ASTN1: variants seen among roughly 807,000 people sequenced by gnomAD.
ASTN1 encodes astrotactin 1.
A neutral mutation model predicts 140.7 loss-of-function variants in ASTN1; 41 were observed. The ratio of observed to expected loss-of-function variants is 0.29; its 90% confidence interval spans 0.23 to 0.38. The LOEUF (loss-of-function observed/expected upper bound fraction) is 0.38. ASTN1 is among the 10% of genes least tolerant of loss of function. The probability of loss-of-function intolerance (pLI) is 1.00; values close to 1 mark genes in which losing one functional copy is unlikely to be tolerated. For synonymous variants in ASTN1, 640 were observed against 652.2 expected, an observed-to-expected ratio of 0.98 and a Z score of 0.29; for missense variants, 1,479 against 1,678.8, an observed-to-expected ratio of 0.88 and a Z score of 2.08.
intron 7 of ASTN1, 72 bp downstream of exon 7, chr1:177,023,332 G>A (rs1427031895): frequency 6.7e-7 from 1 of 1,503,574 alleles, no homozygotes. Flanking sequence ...GGCATGGTCT[G>A]AATTTCAAGG....
intron 1 of ASTN1, among the ~76,000 whole-genome samples, chr1:177,099,347 A>T (rs1298424534): frequency 1.3e-5 from 2 of 152,106 alleles, no homozygotes; most frequent in African/African-American, 4.8e-5. Context: ...TGATCTGTAC[A>T]GGCGGTTAAA....
At chr1:177,023,625 A>G in intron 6 of ASTN1, 54 bp from the exon 7 acceptor site, 6 of 1,472,828 alleles carry the variant, frequency 4.1e-6, no homozygotes, top group Non-Finnish European at 5.4e-6. Context: ...GCACACGTCC[A>G]CAAGCCACCG....
intron 1 of ASTN1, among the ~76,000 whole-genome samples, chr1:177,144,253 ATT>A (rs753935228): frequency 1.4e-5 from 2 of 138,014 alleles, no homozygotes; most frequent in Non-Finnish European, 1.6e-5. Context: ...GAACTCAATG[ATT>A]TTTTTTTTTT....
chr1:176,909,950 C>A (rs1232706778), intron 16 of ASTN1, among the ~76,000 whole-genome samples: 3 of 152,070 alleles, frequency 2.0e-5, no homozygotes, highest in Admixed American at 6.5e-5. Flanking sequence ...ATTTTTCATT[C>A]CTACAGTAAC....
chr1:177,031,531 C>A (rs77822888), intron 3 of ASTN1, among the ~76,000 whole-genome samples: 4,128 of 152,262 alleles, frequency 0.027, 89 homozygotes, highest in Non-Finnish European at 0.045. Flanking sequence ...GATATGTCCC[C>A]CATATTCTCA....
chr1:177,030,910 T>C lies in ASTN1; in HGVS notation c.908A>G (p.Asp303Gly), dbSNP rs1676404270. The change falls in exon 4 of 23, where the codon GAT (aspartate) becomes GGT (glycine). Residue 303 changes from aspartate (D) to glycine (G), a missense_variant. This residue lies in a region of ASTN1 where 729 missense variants were observed against 860.4 expected (regional missense o/e 0.85). Coordinates refer to ENST00000361833, the MANE Select transcript of ASTN1 (RefSeq NM_004319.3). ...CACAGGGCTAGTGGCTATAATATTA[T>C]CTTTATACTTGTTCATCAGTGACAG... Reference protein sequence around the residue: ...AKLSLMNKYKDNIIATSPVDS... With the variant: ...AKLSLMNKYKGNIIATSPVDS... 6.2e-7 allele frequency: 1 copy of C among 1,614,108 alleles called. No homozygotes were observed.
chr1:176,943,750 T>A lies in ASTN1; in HGVS notation c.2377+141A>T, dbSNP rs942306219. Reference sequence around the variant, plus strand: ...GAAAAATAATCCTACTAGCATTCAGTTTTATGGCTGAGCTTTTATTGTGTA... The same window carrying A: ...GAAAAATAATCCTACTAGCATTCAGATTTATGGCTGAGCTTTTATTGTGTA... On this transcript the variant is annotated intron_variant, in intron 14 of 22. Transcript: ENST00000361833. 10 of 1,152,030 alleles carry A rather than the reference T, an allele frequency of 8.7e-6. No homozygotes were observed. In the African/African-American group the frequency reaches 1.6e-4, roughly 18 times the overall value. The allele number at this position is 1,152,030 out of a possible 1,614,324, so 71.4% of individuals were successfully genotyped here.
chr1:177,145,918 C>T (rs1682701177), intron 1 of ASTN1, among the ~76,000 whole-genome samples: 1 of 152,196 alleles, frequency 6.6e-6, no homozygotes, highest in African/African-American at 2.4e-5. Context: ...TTGGCCTCTG[C>T]AATCCTTTAC....
intron 2 of ASTN1, among the ~76,000 whole-genome samples, chr1:177,046,138 T>TGA (rs1677209332): frequency 6.6e-6 from 1 of 152,092 alleles, no homozygotes; most frequent in African/African-American, 2.4e-5. Context: ...CACCACACCA[T>TGA]GAGAGATACA....
chr1:176,862,053 T>G lies in ASTN1; in HGVS notation c.*2231A>C, dbSNP rs897186625. ...TTCTGCACAGATATGAATAGAAGGA[T>G]GGCAAAACAGTAGCAGCAAAGAGAT... On this transcript the variant is annotated 3_prime_UTR_variant, in exon 23 of 23. Transcript: ENST00000361833. The G allele has an allele frequency of 2.0e-6, 2 of 985,228 alleles. No homozygotes were observed. Among genetic ancestry groups the G allele is most frequent in the Non-Finnish European group, 2.4e-6 (2 of 829,936 alleles). The allele number at this position is 985,228 out of a possible 1,614,324, so 61.0% of individuals were successfully genotyped here.
At chr1:176,871,489 A>G (rs916112091) in intron 21 of ASTN1, among the ~76,000 whole-genome samples, 9 of 152,166 alleles carry the variant, frequency 5.9e-5, no homozygotes, top group Non-Finnish European at 8.8e-5. Context: ...GGTGCCTATC[A>G]TTCTCATAAC....
intron 5 of ASTN1, chr1:177,029,421 C>A: frequency 1.3e-6 from 1 of 746,728 alleles, no homozygotes; most frequent in Non-Finnish European, 2.5e-6. Context: ...TTTGAGAGTG[C>A]CATTATCTGG....
At chr1:177,016,864 G>C (rs1279980713) in intron 7 of ASTN1, among the ~76,000 whole-genome samples, 2 of 152,168 alleles carry the variant, frequency 1.3e-5, no homozygotes, top group East Asian at 3.9e-4. Flanking sequence ...TTTCCTTTCG[G>C]GAAAGACACT....
At chr1:177,110,727 G>A (rs774440708) in intron 1 of ASTN1, among the ~76,000 whole-genome samples, 3 of 152,122 alleles carry the variant, frequency 2.0e-5, no homozygotes, top group Non-Finnish European at 2.9e-5. Flanking sequence ...ATTAGACAAT[G>A]CCTCCAGGTC....
chr1:176,955,912 A>C (rs957261051), intron 11 of ASTN1, among the ~76,000 whole-genome samples: 1 of 152,248 alleles, frequency 6.6e-6, no homozygotes, highest in Non-Finnish European at 1.5e-5. Context: ...AGCACTTAGA[A>C]TGACGCCAGA....
At chr1:177,031,146 G>C (rs1431148575) in intron 3 of ASTN1, among the ~76,000 whole-genome samples, 194 bp from the exon 4 acceptor site, 2 of 152,184 alleles carry the variant, frequency 1.3e-5, no homozygotes, top group African/African-American at 4.8e-5. Context: ...TATGGGAGAA[G>C]CAGTGAAGTC....
At chr1:177,130,324 A>G (rs777121029) in intron 1 of ASTN1, among the ~76,000 whole-genome samples, 3 of 152,128 alleles carry the variant, frequency 2.0e-5, no homozygotes, top group Non-Finnish European at 2.9e-5. Context: ...CTCCCAGAGT[A>G]GTGAGCAAGT....
intron 14 of ASTN1, among the ~76,000 whole-genome samples, chr1:176,942,900 A>G (rs1391017485): frequency 7.6e-6 from 1 of 131,622 alleles, no homozygotes; most frequent in African/African-American, 2.7e-5. Flanking sequence ...AAATGCGTAA[A>G]ACCAAGCTGT....
chr1:177,011,702 C>T (rs776640640), intron 8 of ASTN1, among the ~76,000 whole-genome samples: 1 of 151,062 alleles, frequency 6.6e-6, no homozygotes, highest in Non-Finnish European at 1.5e-5. Flanking sequence ...ATACACCACA[C>T]ACATGCATAC....
Sources: gnomAD v4.1 joint callset for allele counts (sites outside exome capture counted in the v4.1 genomes callset) on GRCh38, gnomAD v4.1.1 for gene constraint, gnomAD v4.1.1 regional missense constraint, MANE v1.5 for transcripts, NCBI Gene and HGNC (gene_info 2026-07-23, HGNC 2026-07-21) for gene names.